Variants in SACM1L observed in about 807,000 individuals in gnomAD.
The protein encoded by SACM1L is SAC1 like phosphatidylinositide phosphatase.
In SACM1L, 32 loss-of-function variants were observed where a neutral mutation model predicts 89.5. That is an observed-to-expected ratio of 0.36 (90% CI 0.27 to 0.48). The LOEUF (loss-of-function observed/expected upper bound fraction) is 0.48, where lower values mean the gene tolerates loss of function less well. Ranked by LOEUF, SACM1L falls within the 20% of genes least tolerant of loss-of-function variation. The pLI, the probability that SACM1L is intolerant of heterozygous loss-of-function variation, is 0.99. For missense variants in SACM1L, 543 were observed against 708.5 expected, an observed-to-expected ratio of 0.77 and a Z score of 2.65; for synonymous variants, 213 against 232.8, an observed-to-expected ratio of 0.92 and a Z score of 0.77.
At chr3:45,696,154 C>T (rs768706516) in intron 1 of SACM1L, among the ~76,000 whole-genome samples, 9 of 151,996 alleles carry the variant, frequency 5.9e-5, no homozygotes, top group South Asian at 2.1e-4. Context: ...CCTGCCACCA[C>T]GCCCAGCTAC....
intron 7 of SACM1L, among the ~76,000 whole-genome samples, chr3:45,714,778 G>A (rs2742385): frequency 0.49 from 73,762 of 152,048 alleles, 18,421 homozygotes; most frequent in Middle Eastern, 0.57. Context: ...GTTAAAAACA[G>A]ATCTATGTCA....
At chr3:45,727,245 A>G (rs550412333) in intron 11 of SACM1L, among the ~76,000 whole-genome samples, 1 of 152,138 alleles carries the variant, frequency 6.6e-6, no homozygotes, top group East Asian at 1.9e-4. Context: ...GGTATTTTCT[A>G]AGTTCTCTTG....
chr3:45,736,683 T>G (rs1285668321), intron 14 of SACM1L, among the ~76,000 whole-genome samples: 1 of 152,236 alleles, frequency 6.6e-6, no homozygotes, highest in Non-Finnish European at 1.5e-5. Flanking sequence ...CCATGGCTGA[T>G]TAACCAAAAC....
Position 45,713,167 on chromosome 3 carries a change from C to T in SACM1L, c.514C>T (p.Leu172Phe), listed in dbSNP as rs1444058454. The T allele has an allele frequency of 6.2e-7, 1 of 1,612,684 alleles. No homozygotes were observed. The highest frequency in any genetic ancestry group is 1.3e-5 in the African/African-American group (1 of 74,984). The part of the protein sequence containing the change: ...ADQRFVWNGH[L>F]LRELSAQPEV... ...TCAGCGGTTTGTATGGAATGGTCAT[C>T]TTCTAAGAGAACTTTCTGCACAGCC... Residue 172 changes from leucine to phenylalanine, a missense_variant, in exon 6 of 20, where the codon CTT becomes TTT. Physicochemically the swap from Leu to Phe is conservative, Grantham distance 22. Coordinates refer to ENST00000389061, the MANE Select transcript of SACM1L (RefSeq NM_014016.5).
Position 45,719,548 on chromosome 3 carries a change from T to C in SACM1L, c.626T>C (p.Ile209Thr). ...ATTAATGGAAAATACTTTGATTGGA[T>C]TCTCATCTCGAGGAGGAGCTGTTTC... The part of the protein sequence containing the change: ...CSINGKYFDW[I>T]LISRRSCFRA... Residue 209 changes from isoleucine (I) to threonine (T), a missense_variant, in exon 8 of 20, where the codon ATT (isoleucine) becomes ACT (threonine). This residue lies in a region of SACM1L where 370 missense variants were observed against 527.6 expected (regional missense o/e 0.70). Coordinates refer to ENST00000389061, the MANE Select transcript of SACM1L (RefSeq NM_014016.5). The C allele has an allele frequency of 1.9e-6, 3 of 1,612,652 alleles. No individual in the cohort carries two copies. The highest frequency in any genetic ancestry group is 2.5e-6 in the Non-Finnish European group (3 of 1,179,332).
chr3:45,716,903 G>A (rs1048905149), intron 7 of SACM1L, among the ~76,000 whole-genome samples: 3 of 152,152 alleles, frequency 2.0e-5, no homozygotes, highest in African/African-American at 7.2e-5. Flanking sequence ...ATTCTCTAAA[G>A]TGTGTAGATG....
chr3:45,742,082 A>T (rs372621096), intron 19 of SACM1L, among the ~76,000 whole-genome samples: 2 of 152,190 alleles, frequency 1.3e-5, no homozygotes, highest in East Asian at 3.9e-4. Context: ...TACTTAAAGA[A>T]CCTCTGGAGA....
intron 9 of SACM1L, 85 bp downstream of exon 9, chr3:45,722,170 T>C: frequency 1.2e-6 from 1 of 822,594 alleles, no homozygotes; most frequent in Admixed American, 2.5e-5. Context: ...AATTTCCCTC[T>C]TTTCCCTTCT....
chr3:45,701,457 C>T (rs767556901), intron 1 of SACM1L, among the ~76,000 whole-genome samples: 41 of 152,148 alleles, frequency 2.7e-4, no homozygotes, highest in Non-Finnish European at 5.1e-4. Flanking sequence ...ATGGCTTACA[C>T]TTGGAATGCA....
chr3:45,733,468 A>G (rs550590480), intron 13 of SACM1L, among the ~76,000 whole-genome samples: 1 of 152,300 alleles, frequency 6.6e-6, no homozygotes, highest in South Asian at 2.1e-4. Flanking sequence ...ATAAGTATTC[A>G]TGGGGTACGG....
chr3:45,707,233 A>C, intron 4 of SACM1L: 1 of 199,908 alleles, frequency 5.0e-6, no homozygotes, highest in Non-Finnish European at 1.0e-5. Context: ...AATACCTTTG[A>C]AGTTCTACTC....
chr3:45,719,885 GT>G (rs1337967008), intron 8 of SACM1L, among the ~76,000 whole-genome samples: 1 of 152,138 alleles, frequency 6.6e-6, no homozygotes, highest in African/African-American at 2.4e-5. Flanking sequence ...ACTCAGTGTA[GT>G]TTTCAGTAAC....
intron 4 of SACM1L, among the ~76,000 whole-genome samples, chr3:45,708,306 T>C (rs1372706240): frequency 6.6e-6 from 1 of 152,186 alleles, no homozygotes; most frequent in Non-Finnish European, 1.5e-5. Flanking sequence ...GTTCTGATTC[T>C]TTGAAACTTA....
At chr3:45,691,694 A>T (rs1697994663) in intron 1 of SACM1L, among the ~76,000 whole-genome samples, 1 of 151,902 alleles carries the variant, frequency 6.6e-6, no homozygotes, top group African/African-American at 2.4e-5. Context: ...AGCTCACTGC[A>T]GCCTCTAACT....
Position 45,743,543 on chromosome 3 carries a change from G to A in SACM1L, c.1638G>A (p.Trp546Ter), listed in dbSNP as rs770826690. The A allele has an allele frequency of 1.2e-6, 2 of 1,610,176 alleles. No homozygotes were observed. The highest frequency in any genetic ancestry group is 1.7e-4 in the Middle Eastern group (1 of 6,040). Residue 546 changes from tryptophan to a stop codon, truncating the protein, a stop_gained, in exon 20 of 20, where the codon TGG becomes TGA. Coordinates refer to ENST00000389061, the MANE Select transcript of SACM1L (RefSeq NM_014016.5). LOFTEE classifies it high-confidence loss of function. ...IICLLMAGDT[W>*]TETLAYVLFW... Reference sequence around the variant, plus strand: ...TCTTAATATCAACAGGTGACACTTGGACAGAAACACTGGCCTATGTGCTCT... The same window carrying A: ...TCTTAATATCAACAGGTGACACTTGAACAGAAACACTGGCCTATGTGCTCT...
Position 45,721,554 on chromosome 3 carries a change from A to G in SACM1L, c.680-446A>G, listed in dbSNP as rs151238702. On this transcript the variant is annotated intron_variant, in intron 8 of 19. Coordinates refer to ENST00000389061, the MANE Select transcript of SACM1L (RefSeq NM_014016.5). ...TAAGTAAATAAAAATAAAATGGCCT[A>G]TCTTTACGTTGAGTATTGTGTTGTT... Among the ~76,000 whole-genome samples the G allele has an allele frequency of 5.0e-3, 763 of 152,302 alleles. 8 individuals are homozygous for G. The highest frequency in any genetic ancestry group is 0.017 in the African/African-American group (707 of 41,572).
At position 45,745,221 on chromosome 3, in the gene SACM1L, G is replaced by A. The variant is rs1699400295; in HGVS notation, c.*1552G>A. Reference sequence around the variant, plus strand: ...AATGCTGCTGGGCATTTCACTTAAAGAACTTAATGTCAACAGCTACAACAA... The same window carrying A: ...AATGCTGCTGGGCATTTCACTTAAAAAACTTAATGTCAACAGCTACAACAA... On this transcript the variant is annotated 3_prime_UTR_variant, in exon 20 of 20. Transcript: ENST00000389061. 6.6e-6 allele frequency: 1 copy of A among 152,614 alleles called. No individual in the cohort carries two copies. The highest frequency in any genetic ancestry group is 1.5e-5 in the Non-Finnish European group (1 of 68,032). 9.5% of individuals were successfully genotyped at this position (152,614 alleles called of 1,614,324 possible).
intron 13 of SACM1L, among the ~76,000 whole-genome samples, chr3:45,733,652 T>C (rs1273045157): frequency 6.6e-6 from 1 of 152,196 alleles, no homozygotes; most frequent in Non-Finnish European, 1.5e-5. Flanking sequence ...TCTTCCTCCT[T>C]TTGGATTTTG....
At position 45,744,901 on chromosome 3, in the gene SACM1L, G is replaced by A. The variant is rs944116062; in HGVS notation, c.*1232G>A. 1 of 152,272 alleles carries A rather than the reference G, an allele frequency of 6.6e-6. No individual in the cohort carries two copies. The highest frequency in any genetic ancestry group is 2.4e-5 in the African/African-American group (1 of 41,412). The allele number at this position is 152,272 out of a possible 1,614,324, so 9.4% of individuals were successfully genotyped here. On this transcript the variant is annotated 3_prime_UTR_variant, in exon 20 of 20. Coordinates refer to ENST00000389061, the MANE Select transcript of SACM1L (RefSeq NM_014016.5). ...ATTTCAGTGTTGTGCTTGAAAATAT[G>A]TACAGTTTTTTTCCAATATTAATAC...
Sources: allele counts gnomAD v4.1 joint callset (sites outside exome capture counted in the v4.1 genomes callset), GRCh38; gene constraint gnomAD v4.1.1; regional missense constraint gnomAD v4.1.1; transcripts MANE v1.5; gene names NCBI Gene and HGNC (gene_info 2026-07-23, HGNC 2026-07-21).